The following GPC3 variants were observed in gnomAD, a reference collection of about 807,000 sequenced individuals.
The protein encoded by GPC3 is glypican-3.
Under a neutral mutation model 34.4 loss-of-function variants are expected in GPC3, and 3 were observed. The observed-to-expected ratio is 0.09, with a 90% CI of 0.04 to 0.23. The LOEUF (loss-of-function observed/expected upper bound fraction) is 0.23. Ranked by LOEUF, GPC3 falls within the 10% of genes least tolerant of loss-of-function variation. The pLI is 1.00. For missense variants in GPC3, 351 were observed against 445.6 expected (o/e 0.79, Z 1.91); for synonymous variants, 177 against 174.0 (o/e 1.02, Z -0.13).
At chrX:133,941,430 T>C (rs2076344759) in intron 2 of GPC3, among the ~76,000 whole-genome samples, 1 of 112,706 alleles carries the variant, frequency 8.9e-6, no homozygotes, top group Admixed American at 9.4e-5. Flanking sequence ...AATTCTGATA[T>C]AGTACAGACT....
intron 6 of GPC3, among the ~76,000 whole-genome samples, chrX:133,597,283 C>T (rs1436096015): frequency 9.0e-6 from 1 of 111,714 alleles, no homozygotes; most frequent in Non-Finnish European, 1.9e-5. Context: ...ACGAATTTCA[C>T]GGGACTCCCG....
At chrX:133,866,954 T>C (rs1023803240) in intron 2 of GPC3, among the ~76,000 whole-genome samples, 2 of 111,308 alleles carry the variant, frequency 1.8e-5, no homozygotes, top group Admixed American at 1.9e-4. Context: ...TCCCAGCACT[T>C]TGGGAGGCTG....
At chrX:133,863,174 GC>G in intron 2 of GPC3, among the ~76,000 whole-genome samples, 1 of 112,411 alleles carries the variant, frequency 8.9e-6, no homozygotes, top group Middle Eastern at 4.6e-3. Flanking sequence ...TTTTTGATAA[GC>G]CCCTAGAAAC....
chrX:133,769,775 G>T (rs1368953254), intron 2 of GPC3, among the ~76,000 whole-genome samples: 1 of 112,069 alleles, frequency 8.9e-6, no homozygotes, highest in Non-Finnish European at 1.9e-5. Context: ...TCGAAGAAAT[G>T]AATTAGAGAA....
intron 7 of GPC3, among the ~76,000 whole-genome samples, chrX:133,553,646 T>C (rs2069456807): frequency 1.8e-5 from 2 of 111,482 alleles, no homozygotes; most frequent in Admixed American, 9.5e-5. Context: ...TTCACAGGGC[T>C]TTTCCCAAAC....
At chrX:133,654,945 C>G (rs35642024) in intron 6 of GPC3, among the ~76,000 whole-genome samples, 6,923 of 111,183 alleles carry the variant, frequency 0.062, 568 homozygotes, top group African/African-American at 0.21. Flanking sequence ...ATAATGTAAT[C>G]AGAAAAGTTC....
chrX:133,867,232 T>C (rs930773277), intron 2 of GPC3, among the ~76,000 whole-genome samples: 4 of 110,360 alleles, frequency 3.6e-5, no homozygotes, highest in Non-Finnish European at 7.6e-5. Flanking sequence ...AAGATTCCCT[T>C]GTGTCTTGAA....
At chrX:133,732,445 A>C (rs190627793) in intron 3 of GPC3, among the ~76,000 whole-genome samples, 55 of 111,941 alleles carry the variant, frequency 4.9e-4, no homozygotes, top group Non-Finnish European at 8.8e-4. Context: ...TTAAACAAAC[A>C]GGATAGGCAT....
At chrX:133,549,383 T>C (rs2069412366) in intron 7 of GPC3, among the ~76,000 whole-genome samples, 1 of 111,423 alleles carries the variant, frequency 9.0e-6, no homozygotes, top group Non-Finnish European at 1.9e-5. Flanking sequence ...TTCCTCAAAA[T>C]CCTTTGATGG....
At chrX:133,915,647 G>A (rs2076220854) in intron 2 of GPC3, among the ~76,000 whole-genome samples, 1 of 112,500 alleles carries the variant, frequency 8.9e-6, no homozygotes, top group Admixed American at 9.4e-5. Flanking sequence ...GGATGTCTAA[G>A]CAAAAGTTTC....
intron 7 of GPC3, among the ~76,000 whole-genome samples, chrX:133,563,075 G>A (rs2069553173): frequency 9.0e-6 from 1 of 111,493 alleles, no homozygotes; most frequent in Non-Finnish European, 1.9e-5. Context: ...CTGAAGAGGG[G>A]TAGGGGAGTA....
chrX:133,638,824 A>AAAAAAAAAAAAAAG (rs1556209000), intron 6 of GPC3, among the ~76,000 whole-genome samples: 13 of 105,873 alleles, frequency 1.2e-4, no homozygotes, highest in African/African-American at 3.7e-4. Context: ...GATGAGCTAA[A>AAAAAAAAAAAAAAG]AAAAAAAAAA....
At chrX:133,556,644 G>A (rs2069490918) in intron 7 of GPC3, among the ~76,000 whole-genome samples, 1 of 108,898 alleles carries the variant, frequency 9.2e-6, no homozygotes, top group Non-Finnish European at 1.9e-5. Flanking sequence ...CAAGACAGAA[G>A]GTGGTACAGA....
At chrX:133,922,808 T>C (rs2076256043) in intron 2 of GPC3, among the ~76,000 whole-genome samples, 1 of 110,604 alleles carries the variant, frequency 9.0e-6, no homozygotes, top group Non-Finnish European at 1.9e-5. Flanking sequence ...ACAACTTCCC[T>C]CAGTTCTGTC....
At chrX:133,853,647 C>G (rs749028038) in intron 2 of GPC3, among the ~76,000 whole-genome samples, 1 of 112,270 alleles carries the variant, frequency 8.9e-6, no homozygotes, top group South Asian at 3.7e-4. Flanking sequence ...TTATAGAGAT[C>G]AGGACTCAGT....
At chrX:133,631,792 G>GT (rs1199402578) in intron 6 of GPC3, among the ~76,000 whole-genome samples, 116 of 108,749 alleles carry the variant, frequency 1.1e-3, no homozygotes, top group Non-Finnish European at 2.0e-3. Flanking sequence ...TTCTGTTGTT[G>GT]TTTTTTTTTA....
chrX:133,670,284 A>G (rs1478221487), intron 5 of GPC3, among the ~76,000 whole-genome samples: 1 of 111,870 alleles, frequency 8.9e-6, no homozygotes, highest in Admixed American at 9.5e-5. Flanking sequence ...ATACCCAGAC[A>G]GGGACATTTG....
chrX:133,919,297 C>T (rs769080587), intron 2 of GPC3, among the ~76,000 whole-genome samples: 5 of 112,105 alleles, frequency 4.5e-5, no homozygotes, highest in African/African-American at 1.3e-4. Context: ...TAAACTTCAA[C>T]TTTCACTTGT....
intron 6 of GPC3, among the ~76,000 whole-genome samples, chrX:133,603,240 T>C (rs2070007574): frequency 9.1e-6 from 1 of 110,465 alleles, no homozygotes; most frequent in Non-Finnish European, 1.9e-5. Context: ...CTGCATCTAT[T>C]TTTTTTGAGC....
Sources: allele counts gnomAD v4.1 joint callset (sites outside exome capture counted in the v4.1 genomes callset), GRCh38; gene constraint gnomAD v4.1.1; transcripts MANE v1.5; gene names NCBI Gene and HGNC (gene_info 2026-07-23, HGNC 2026-07-21).